Variants in FYB1 observed in about 807,000 individuals in gnomAD.
FYB1 encodes FYN binding protein 1, also known as FYN-binding protein 1.
In FYB1, 41 loss-of-function variants were observed where a neutral mutation model predicts 94.1. That is an observed-to-expected ratio of 0.44 (90% confidence interval 0.34 to 0.57). FYB1 has a LOEUF of 0.57. Ranked by LOEUF, FYB1 falls within the 20% of genes least tolerant of loss-of-function variation. FYB1 has a pLI of 0.02. For missense variants in FYB1, 1,050 were observed against 976.8 expected (o/e 1.07, Z -1.00); for synonymous variants, 367 against 353.2 (o/e 1.04, Z -0.44).
At chr5:39,145,821 T>C (rs1298762699) in intron 3 of FYB1, among the ~76,000 whole-genome samples, 1 of 152,110 alleles carries the variant, frequency 6.6e-6, no homozygotes, top group Admixed American at 6.5e-5. Flanking sequence ...GGTTTCTTGT[T>C]CCTTCATGCT....
intron 1 of FYB1, chr5:39,270,617 G>A: frequency 6.5e-7 from 1 of 1,531,682 alleles, no homozygotes; most frequent in East Asian, 2.4e-5. Context: ...TGACCCCGAA[G>A]ATGGTGCAGC....
At chr5:39,246,793 G>T (rs748017913) in intron 1 of FYB1, among the ~76,000 whole-genome samples, 9 of 152,070 alleles carry the variant, frequency 5.9e-5, no homozygotes, top group Admixed American at 1.3e-4. Flanking sequence ...ATGTTACAGA[G>T]TCACATGACA....
chr5:39,120,999 A>G (rs1261458731), intron 14 of FYB1, among the ~76,000 whole-genome samples: 1 of 152,120 alleles, frequency 6.6e-6, no homozygotes. Context: ...TTAAAAATAG[A>G]ATACGACATT....
intron 1 of FYB1, among the ~76,000 whole-genome samples, chr5:39,233,078 T>C (rs1487435440): frequency 6.6e-6 from 1 of 152,162 alleles, no homozygotes; most frequent in East Asian, 1.9e-4. Flanking sequence ...TTTGGGTATA[T>C]ACCCAGTAAT....
chr5:39,166,704 A>G (rs1331050047), intron 2 of FYB1, among the ~76,000 whole-genome samples: 1 of 124,082 alleles, frequency 8.1e-6, no homozygotes, highest in African/African-American at 3.4e-5. Context: ...ATTGAGAAAC[A>G]GAAAGTCAAA....
intron 2 of FYB1, among the ~76,000 whole-genome samples, chr5:39,191,096 T>C (rs900306185): frequency 1.3e-5 from 2 of 152,190 alleles, no homozygotes; most frequent in African/African-American, 4.8e-5. Context: ...GAAAAACAAA[T>C]ACTCAAACAT....
chr5:39,133,810 A>G (rs1028185944), intron 9 of FYB1, among the ~76,000 whole-genome samples: 1 of 152,226 alleles, frequency 6.6e-6, no homozygotes, highest in Non-Finnish European at 1.5e-5. Context: ...TTTTCAAAAA[A>G]TAACAACAAA....
At chr5:39,225,977 AG>A (rs35687056) in intron 1 of FYB1, among the ~76,000 whole-genome samples, 98,295 of 152,004 alleles carry the variant, frequency 0.65, 36,404 homozygotes, top group Non-Finnish European at 0.83. Flanking sequence ...ATTTCGTCAC[AG>A]CATTTTGCCC....
At chr5:39,130,176 C>T (rs1741064639) in intron 10 of FYB1, among the ~76,000 whole-genome samples, 1 of 151,912 alleles carries the variant, frequency 6.6e-6, no homozygotes, top group Non-Finnish European at 1.5e-5. Flanking sequence ...ACTGCATGTA[C>T]TCACACATAT....
chr5:39,107,525 C>T lies in FYB1; in HGVS notation c.2468-60G>A, dbSNP rs959521470. ...TTAAAAACATATTCTCTAAGTATTC[C>T]AAGTTTGGAAATGTGGGTGATTCAT... On this transcript the variant is annotated intron_variant, in intron 18 of 18. Transcript: ENST00000512982. 2.4e-6 allele frequency: 3 copies of T among 1,232,742 alleles called. No individual in the cohort carries two copies. The Admixed American group carries it at 6.8e-5, about 28-fold the overall frequency. 76.4% of individuals were successfully genotyped at this position (1,232,742 alleles called of 1,614,324 possible). A position where few individuals can be genotyped will look rare whatever the true frequency, so the allele number is the denominator to read the frequency against.
At chr5:39,114,101 C>G (rs778611404) in intron 16 of FYB1, among the ~76,000 whole-genome samples, 3 of 151,758 alleles carry the variant, frequency 2.0e-5, no homozygotes, top group African/African-American at 7.3e-5. Context: ...TCGAAAGCAC[C>G]TTTAAAATCC....
chr5:39,125,229 T>C (rs1448052642), intron 12 of FYB1, among the ~76,000 whole-genome samples: 2 of 152,186 alleles, frequency 1.3e-5, no homozygotes, highest in African/African-American at 2.4e-5. Context: ...GAATGCTATA[T>C]GGAATTAACA....
At chr5:39,138,438 T>C in intron 6 of FYB1, 1 of 413,056 alleles carries the variant, frequency 2.4e-6, no homozygotes, top group South Asian at 4.1e-5. Context: ...GGCATGTCTC[T>C]GGCCTCTCAC....
At chr5:39,241,638 G>T (rs1219836598) in intron 1 of FYB1, among the ~76,000 whole-genome samples, 1 of 152,104 alleles carries the variant, frequency 6.6e-6, no homozygotes, top group African/African-American at 2.4e-5. Flanking sequence ...TTAAGGATGG[G>T]TCTATACTGG....
chr5:39,186,221 C>T lies in FYB1; in HGVS notation c.1135+15605G>A, dbSNP rs184483642. ...CGGGAGGATCACCAGGTCAAGAGAT[C>T]GAGACCATCTTGGCCAACATGGTGA... On this transcript the variant is annotated intron_variant, in intron 2 of 18. Coordinates refer to ENST00000512982, the MANE Select transcript of FYB1 (RefSeq NM_001465.6). 2.8e-3 allele frequency among the ~76,000 whole-genome samples: 423 copies of T among 152,228 alleles called. 6 individuals are homozygous for T. Among genetic ancestry groups the T allele is most frequent in the Admixed American group, 4.4e-3 (68 of 15,302 alleles).
At chr5:39,133,770 G>A (rs541422400) in intron 9 of FYB1, among the ~76,000 whole-genome samples, 1 of 152,090 alleles carries the variant, frequency 6.6e-6, no homozygotes, top group East Asian at 1.9e-4. Flanking sequence ...GAGCAAACTG[G>A]GGTTGCCATA....
chr5:39,197,519 A>G (rs1747937448), intron 2 of FYB1, among the ~76,000 whole-genome samples: 1 of 152,236 alleles, frequency 6.6e-6, no homozygotes, highest in Admixed American at 6.5e-5. Context: ...TGCCAATCTA[A>G]GCAGCTGTGG....
At chr5:39,135,039 A>T in intron 7 of FYB1, 25 bp from the exon 8 acceptor site, 1 of 1,606,600 alleles carries the variant, frequency 6.2e-7, no homozygotes, top group Non-Finnish European at 8.5e-7. Flanking sequence ...AAATAGTCAC[A>T]AAAGATTTCC....
Position 39,202,164 on chromosome 5 carries a change from G to C in FYB1, c.797C>G (p.Pro266Arg). 6.2e-7 allele frequency: 1 copy of C among 1,613,986 alleles called. No homozygotes were observed. Among genetic ancestry groups the C allele is most frequent in the Non-Finnish European group, 8.5e-7 (1 of 1,179,890 alleles). Residue 266 changes from proline to arginine, a missense_variant, in exon 2 of 19, where the codon CCT becomes CGT. Physicochemically the swap from Pro to Arg is moderately radical, Grantham distance 103. Transcript: ENST00000512982. ...SLPFPGVVLK[P>R]AASRGGPGLS... ...ACCTGGGCCTCCCCTGCTCGCAGCA[G>C]GTTTCAAAACCACTCCAGGAAAGGG...
Sources: allele counts gnomAD v4.1 joint callset (sites outside exome capture counted in the v4.1 genomes callset), GRCh38; gene constraint gnomAD v4.1.1; transcripts MANE v1.5; gene names NCBI Gene and HGNC (gene_info 2026-07-23, HGNC 2026-07-21).